The following RBFOX1 variants were observed in gnomAD, a reference collection of about 807,000 sequenced individuals.
RBFOX1 encodes the protein RNA binding fox-1 homolog 1.
In RBFOX1, 8 loss-of-function variants were observed where a neutral mutation model predicts 57.7. The ratio of observed to expected loss-of-function variants is 0.14; its 90% CI spans 0.08 to 0.25. The LOEUF (loss-of-function observed/expected upper bound fraction) is 0.25, where lower values mean the gene tolerates loss of function less well. Among genes scored for constraint, RBFOX1 ranks in the 10% least tolerant of loss-of-function variants. The probability of loss-of-function intolerance (pLI) is 1.00; values close to 1 mark genes in which losing one functional copy is unlikely to be tolerated. For synonymous variants in RBFOX1, 326 were observed against 222.4 expected, an observed-to-expected ratio of 1.47 and a Z score of -4.15; for missense variants, 611 against 548.5, an observed-to-expected ratio of 1.11 and a Z score of -1.14.
At chr16:6,992,843 A>AG (rs557397516) in intron 3 of RBFOX1, among the ~76,000 whole-genome samples, 45 of 151,838 alleles carry the variant, frequency 3.0e-4, no homozygotes, top group Non-Finnish European at 4.4e-4. Context: ...TTTCCAAAAA[A>AG]AAAAAAAAAA....
At chr16:6,512,533 C>G (rs939207542) in intron 2 of RBFOX1, among the ~76,000 whole-genome samples, 11 of 152,094 alleles carry the variant, frequency 7.2e-5, no homozygotes, top group Admixed American at 6.6e-4. Flanking sequence ...TGGACCAAGA[C>G]TGGGTGTTGC....
intron 2 of RBFOX1, among the ~76,000 whole-genome samples, chr16:6,405,022 T>A (rs1399767052): frequency 6.6e-6 from 1 of 152,176 alleles, no homozygotes; most frequent in Admixed American, 6.5e-5. Flanking sequence ...AGGTCAGGTA[T>A]AAATGAACTG....
chr16:7,311,056 G>C (rs1164550470), intron 4 of RBFOX1, among the ~76,000 whole-genome samples: 2 of 152,208 alleles, frequency 1.3e-5, no homozygotes, highest in African/African-American at 2.4e-5. Flanking sequence ...GGCAAGGCTA[G>C]AGTTAAGTTC....
intron 2 of RBFOX1, among the ~76,000 whole-genome samples, chr16:6,510,581 G>T (rs1364331959): frequency 6.6e-6 from 1 of 152,192 alleles, no homozygotes; most frequent in African/African-American, 2.4e-5. Flanking sequence ...ATGTGATGGA[G>T]AAGTCGGGAG....
rs191307886 is a variant in RBFOX1, at chr16:6,544,573, G to A, written c.-63-110030G>A. On this transcript the variant is annotated intron_variant, in intron 2 of 15. Coordinates refer to ENST00000550418, the MANE Select transcript of RBFOX1 (RefSeq NM_018723.4). ...TTGGTATTGTTTTCTCTTAGCATTC[G>A]ATCGTATTGATTCAAATGCTGTTTT... 9.4e-4 allele frequency among the ~76,000 whole-genome samples: 143 copies of A among 152,188 alleles called. 1 individual carries two copies. Among genetic ancestry groups the A allele is most frequent in the Non-Finnish European group, 1.8e-3 (120 of 68,018 alleles).
At chr16:7,394,914 A>C (rs1180594383) in intron 4 of RBFOX1, among the ~76,000 whole-genome samples, 1 of 152,114 alleles carries the variant, frequency 6.6e-6, no homozygotes, top group East Asian at 1.9e-4. Flanking sequence ...ATGTCTGTGC[A>C]TACATAAATA....
At chr16:7,321,876 C>A (rs576682476) in intron 4 of RBFOX1, among the ~76,000 whole-genome samples, 2 of 152,296 alleles carry the variant, frequency 1.3e-5, no homozygotes, top group South Asian at 4.1e-4. Flanking sequence ...CACCAGCTGC[C>A]TGGCCATGAC....
intron 3 of RBFOX1, among the ~76,000 whole-genome samples, chr16:7,022,251 C>G (rs1054100153): frequency 2.1e-4 from 31 of 150,756 alleles, no homozygotes; most frequent in African/African-American, 7.1e-4. Flanking sequence ...CGGGATTTCA[C>G]CATGTTGGCC....
At chr16:6,739,226 A>G (rs2071329331) in intron 3 of RBFOX1, among the ~76,000 whole-genome samples, 1 of 150,636 alleles carries the variant, frequency 6.6e-6, no homozygotes, top group Admixed American at 6.7e-5. Context: ...GCAAACTTCT[A>G]GTAGGGATGA....
intron 4 of RBFOX1, among the ~76,000 whole-genome samples, chr16:7,400,726 T>C (rs2098227454): frequency 6.6e-6 from 1 of 152,168 alleles, no homozygotes; most frequent in South Asian, 2.1e-4. Flanking sequence ...CAAAGCACAG[T>C]GGATGAACCA....
chr16:6,493,130 C>G (rs927944685), intron 2 of RBFOX1, among the ~76,000 whole-genome samples: 3 of 152,168 alleles, frequency 2.0e-5, no homozygotes, highest in African/African-American at 7.2e-5. Flanking sequence ...TGAGCTGATA[C>G]AGGTCAGCTT....
chr16:5,364,793 G>C (rs1192228707), intron 1 of RBFOX1, among the ~76,000 whole-genome samples: 1 of 152,170 alleles, frequency 6.6e-6, no homozygotes, highest in Non-Finnish European at 1.5e-5. Flanking sequence ...CTGCTTTAAA[G>C]ATGGGGAGAT....
intron 4 of RBFOX1, among the ~76,000 whole-genome samples, chr16:5,940,831 G>A (rs377342860): frequency 1.1e-3 from 165 of 152,214 alleles, no homozygotes; most frequent in Non-Finnish European, 1.6e-3. Flanking sequence ...GAGCATTTCC[G>A]CTTGGGATCT....
At chr16:5,818,035 C>T (rs1461661899) in intron 3 of RBFOX1, among the ~76,000 whole-genome samples, 1 of 152,142 alleles carries the variant, frequency 6.6e-6, no homozygotes, top group Non-Finnish European at 1.5e-5. Context: ...ATGGTGAAAG[C>T]AGTAGGGTCT....
chr16:7,488,526 A>G lies in RBFOX1; in HGVS notation c.28-29621A>G, dbSNP rs189398971. 4.6e-5 allele frequency among the ~76,000 whole-genome samples: 7 copies of G among 152,016 alleles called. No homozygotes were observed. In the South Asian group the frequency reaches 6.3e-4, roughly 14 times the overall value. On this transcript the variant is annotated intron_variant, in intron 4 of 15. Transcript: ENST00000550418. ...TTCATCCATTGTCTACCTATCTACTATCTACCTGTCATTCTGTCTATACAT... is the reference window on the plus strand; with the variant it reads ...TTCATCCATTGTCTACCTATCTACTGTCTACCTGTCATTCTGTCTATACAT...
intron 3 of RBFOX1, among the ~76,000 whole-genome samples, chr16:7,041,564 G>C (rs1341752359): frequency 2.0e-5 from 3 of 152,098 alleles, no homozygotes; most frequent in African/African-American, 7.2e-5. Flanking sequence ...ACTAACCATT[G>C]AATTAAAGGA....
In RBFOX1 at chr16:6,457,444, C is replaced by CT. The variant is rs1567320108; in HGVS notation, c.-64+140387_-64+140388insT. ...GACTGTGAATTTCCGGAAGTCCCCCCCCCCGCAATAGCTTTGATTTGACAT... is the reference window on the plus strand; with the variant it reads ...GACTGTGAATTTCCGGAAGTCCCCCCTCCCCGCAATAGCTTTGATTTGACAT... On this transcript the variant is annotated intron_variant, in intron 2 of 15. Transcript: ENST00000550418. Among the ~76,000 whole-genome samples, 121 of 132,936 alleles carry CT rather than the reference C, an allele frequency of 9.1e-4. 3 individuals are homozygous for CT. The highest frequency in any genetic ancestry group is 3.9e-3 in the Middle Eastern group (1 of 254). The allele number at this position is 132,936 out of a possible 152,430, so 87.2% of individuals were successfully genotyped here.
At chr16:6,482,443 C>G (rs2095385990) in intron 2 of RBFOX1, among the ~76,000 whole-genome samples, 2 of 152,226 alleles carry the variant, frequency 1.3e-5, no homozygotes, top group Non-Finnish European at 2.9e-5. Context: ...ACCTGTGTAA[C>G]TCATTCCTAT....
At chr16:6,542,137 C>T (rs1267885658) in intron 2 of RBFOX1, among the ~76,000 whole-genome samples, 1 of 151,992 alleles carries the variant, frequency 6.6e-6, no homozygotes, top group Non-Finnish European at 1.5e-5. Context: ...TGTTGCCCAG[C>T]CTCGTCTCAA....
Sources: gnomAD v4.1 joint callset for allele counts (sites outside exome capture counted in the v4.1 genomes callset) on GRCh38, gnomAD v4.1.1 for gene constraint, MANE v1.5 for transcripts, NCBI Gene and HGNC (gene_info 2026-07-23, HGNC 2026-07-21) for gene names.